The following LRRC4C variants were observed in gnomAD, a reference collection of about 807,000 sequenced individuals.
The protein encoded by LRRC4C is leucine rich repeat containing 4C.
A neutral mutation model predicts 33.6 loss-of-function variants in LRRC4C; 5 were observed. That is an observed-to-expected ratio of 0.15 (90% confidence interval 0.08 to 0.31). The LOEUF is 0.31. LRRC4C is among the 10% of genes least tolerant of loss of function. The pLI, the probability that LRRC4C is intolerant of heterozygous loss-of-function variation, is 1.00. For synonymous variants in LRRC4C, 329 were observed against 302.0 expected (o/e 1.09, Z -0.93); for missense variants, 560 against 796.7 (o/e 0.70, Z 3.58).
chr11:40,757,108 C>T (rs569483455), intron 2 of LRRC4C, among the ~76,000 whole-genome samples: 174 of 152,082 alleles, frequency 1.1e-3, no homozygotes, highest in African/African-American at 4.1e-3. Flanking sequence ...CATGCCAACT[C>T]GACAATACTA....
At chr11:40,525,414 C>T (rs1565473553) in intron 3 of LRRC4C, among the ~76,000 whole-genome samples, 1 of 152,082 alleles carries the variant, frequency 6.6e-6, no homozygotes, top group African/African-American at 2.4e-5. Flanking sequence ...CCACTGCACT[C>T]CAGCCTGGGT....
At chr11:41,446,376 C>T (rs1413849598) in intron 1 of LRRC4C, among the ~76,000 whole-genome samples, 1 of 152,182 alleles carries the variant, frequency 6.6e-6, no homozygotes, top group African/African-American at 2.4e-5. Flanking sequence ...TGGGTGATTG[C>T]TCTGCTTGTT....
At chr11:40,563,285 G>C (rs1957625656) in intron 3 of LRRC4C, among the ~76,000 whole-genome samples, 1 of 152,116 alleles carries the variant, frequency 6.6e-6, no homozygotes, top group African/African-American at 2.4e-5. Flanking sequence ...GGTGAAATGT[G>C]GGGCAAGGAG....
At chr11:40,485,374 T>C (rs1429395446) in intron 3 of LRRC4C, among the ~76,000 whole-genome samples, 1 of 151,874 alleles carries the variant, frequency 6.6e-6, no homozygotes, top group Admixed American at 6.6e-5. Context: ...TCTCTCTCTC[T>C]CCCTCCCTCT....
intron 2 of LRRC4C, among the ~76,000 whole-genome samples, chr11:40,757,215 T>G (rs1289543316): frequency 6.6e-6 from 1 of 152,040 alleles, no homozygotes; most frequent in Non-Finnish European, 1.5e-5. Context: ...CACCCAGTCA[T>G]GAGACTAGGA....
At position 40,406,663 on chromosome 11, in the gene LRRC4C, T is replaced by A. The variant is rs539203880; in HGVS notation, c.-269-86942A>T. Among the ~76,000 whole-genome samples the A allele has an allele frequency of 2.6e-5, 4 of 152,278 alleles. No homozygotes were observed. In the South Asian group the frequency reaches 8.3e-4, roughly 32 times the overall value. ...AGTATTTTCCAAAGTCTCTAGATTA[T>A]GCATATGTTAGTTTTATAATTGCAA... On this transcript the variant is annotated intron_variant, in intron 3 of 6. Transcript: ENST00000528697.
chr11:40,283,947 C>G (rs1329068937), intron 4 of LRRC4C, among the ~76,000 whole-genome samples: 1 of 152,014 alleles, frequency 6.6e-6, no homozygotes, highest in Non-Finnish European at 1.5e-5. Flanking sequence ...AGTTGATCCA[C>G]CCGTCTTAGC....
chr11:41,408,759 A>AAAAAAAAAACAAACAAAC (rs1491429065), intron 1 of LRRC4C, among the ~76,000 whole-genome samples: 1 of 151,418 alleles, frequency 6.6e-6, no homozygotes, highest in African/African-American at 2.4e-5. Flanking sequence ...AAAAAAAAAA[A>AAAAAAAAAACAAACAAAC]AAAAAAAACT....
chr11:41,314,779 C>T lies in LRRC4C; in HGVS notation c.-496+144652G>A, dbSNP rs537477698. Among the ~76,000 whole-genome samples the T allele has an allele frequency of 6.6e-5, 10 of 151,930 alleles. No individual in the cohort carries two copies. The East Asian group carries it at 1.7e-3, about 26-fold the overall frequency. On this transcript the variant is annotated intron_variant, in intron 1 of 6. Transcript: ENST00000528697. ...AAGCTACATATTGTGCACATGTACC[C>T]TAGAACTTAAAGTATAATAATAAAA...
chr11:41,225,067 T>C (rs1047530007), intron 1 of LRRC4C, among the ~76,000 whole-genome samples: 1 of 152,100 alleles, frequency 6.6e-6, no homozygotes, highest in Admixed American at 6.6e-5. Context: ...CTGTGGGATC[T>C]ACAAATCAAA....
chr11:40,793,787 T>C (rs2135188766), intron 2 of LRRC4C, among the ~76,000 whole-genome samples: 1 of 152,362 alleles, frequency 6.6e-6, no homozygotes, highest in South Asian at 2.1e-4. Flanking sequence ...GTGGTGGTAA[T>C]ATAAATCATT....
At chr11:40,891,928 G>A (rs1001579962) in intron 2 of LRRC4C, among the ~76,000 whole-genome samples, 1 of 151,990 alleles carries the variant, frequency 6.6e-6, no homozygotes, top group Non-Finnish European at 1.5e-5. Flanking sequence ...GAGTTCAGGA[G>A]ATCGAGACCA....
intron 3 of LRRC4C, among the ~76,000 whole-genome samples, chr11:40,544,774 G>A (rs1204094294): frequency 1.3e-5 from 2 of 151,970 alleles, no homozygotes; most frequent in Non-Finnish European, 2.9e-5. Context: ...ACATATGTAT[G>A]TCTTAAATTT....
At chr11:40,830,937 T>C (rs1225195490) in intron 2 of LRRC4C, among the ~76,000 whole-genome samples, 1 of 152,132 alleles carries the variant, frequency 6.6e-6, no homozygotes. Context: ...TGAATTACAA[T>C]GTCCAGTTTG....
intron 3 of LRRC4C, among the ~76,000 whole-genome samples, chr11:40,426,377 CTT>C (rs71461168): frequency 6.7e-6 from 1 of 149,134 alleles, no homozygotes; most frequent in Non-Finnish European, 1.5e-5. Flanking sequence ...GATCCAGCCA[CTT>C]TTTTTTTTAA....
At chr11:41,221,765 C>G (rs1021823762) in intron 1 of LRRC4C, among the ~76,000 whole-genome samples, 1 of 152,234 alleles carries the variant, frequency 6.6e-6, no homozygotes, top group Non-Finnish European at 1.5e-5. Context: ...GCAAGATATA[C>G]AAATAGAATT....
At chr11:40,893,810 C>T (rs1054403123) in intron 2 of LRRC4C, among the ~76,000 whole-genome samples, 1 of 113,368 alleles carries the variant, frequency 8.8e-6, no homozygotes, top group Non-Finnish European at 1.8e-5. Flanking sequence ...GTTTTAGTTA[C>T]GTATTATAAC....
At chr11:41,428,577 T>A (rs897093341) in intron 1 of LRRC4C, among the ~76,000 whole-genome samples, 3 of 152,150 alleles carry the variant, frequency 2.0e-5, no homozygotes, top group Non-Finnish European at 4.4e-5. Context: ...TGGAGTTTCA[T>A]GAAAAGTCAC....
intron 4 of LRRC4C, among the ~76,000 whole-genome samples, chr11:40,251,603 G>C (rs765764859): frequency 7.9e-5 from 12 of 152,134 alleles, no homozygotes; most frequent in Non-Finnish European, 1.5e-4. Flanking sequence ...CAAAGGTCAG[G>C]GGGCCTGCAT....
Sources: gnomAD v4.1 joint callset for allele counts (sites outside exome capture counted in the v4.1 genomes callset) on GRCh38, gnomAD v4.1.1 for gene constraint, MANE v1.5 for transcripts, NCBI Gene and HGNC (gene_info 2026-07-23, HGNC 2026-07-21) for gene names.